The following CREBZF variants were observed in gnomAD, a reference collection of about 807,000 sequenced individuals.
CREBZF encodes HCF-binding transcription factor Zhangfei.
In CREBZF, 8 loss-of-function variants were observed where a neutral mutation model predicts 21.1. That is an observed-to-expected ratio of 0.38 (90% CI 0.22 to 0.68). The LOEUF is 0.68. Among genes scored for constraint, CREBZF ranks in the 30% least tolerant of loss-of-function variants. The pLI, the probability that CREBZF is intolerant of heterozygous loss-of-function variation, is 0.51. For missense variants in CREBZF, 518 were observed against 484.3 expected, an observed-to-expected ratio of 1.07 and a Z score of -0.65; for synonymous variants, 270 against 223.3, an observed-to-expected ratio of 1.21 and a Z score of -1.86.
chr11:85,662,653 C>A lies in CREBZF; in HGVS notation c.*1158G>T. The A allele has an allele frequency of 4.8e-6, 2 of 418,404 alleles. No individual in the cohort carries two copies. The highest frequency in any genetic ancestry group is 8.5e-6 in the Non-Finnish European group (2 of 234,638). The allele number at this position is 418,404 out of a possible 1,614,324, so 25.9% of individuals were successfully genotyped here. On this transcript the variant is annotated 3_prime_UTR_variant, in exon 1 of 1. Coordinates refer to ENST00000527447, the MANE Select transcript of CREBZF (RefSeq NM_001039618.4). The stretch of plus-strand genomic sequence containing the variant: ...ATCGTGTCATTTAAGTGGCCAGAAC[C>A]ACTCAATTTAAAAAATTATTTTAAA...
upstream of CREBZF, among the ~76,000 whole-genome samples, chr11:85,668,640 T>C (rs926219156): frequency 9.9e-5 from 15 of 152,208 alleles, no homozygotes; most frequent in Non-Finnish European, 1.3e-4. Context: ...TTCCTTATCT[T>C]ATTCCTGACT....
intron 1 of CREBZF, among the ~76,000 whole-genome samples, chr11:85,681,881 G>A (rs2082978089): frequency 6.6e-6 from 1 of 152,120 alleles, no homozygotes; most frequent in African/African-American, 2.4e-5. Context: ...TTAAATATGA[G>A]GACTGACAGA....
At chr11:85,682,599 GCCCTACTCC>G in intron 1 of CREBZF, 1 of 321,222 alleles carries the variant, frequency 3.1e-6, no homozygotes, top group Non-Finnish European at 5.3e-6. Context: ...CCTACCCCCT[GCCCTACTCC>G]CCCCAACGCG....
Position 85,663,692 on chromosome 11 carries a change from T to C in CREBZF, c.*119A>G. 1 of 1,609,628 alleles carries C rather than the reference T, an allele frequency of 6.2e-7. No homozygotes were observed. Among genetic ancestry groups the C allele is most frequent in the Non-Finnish European group, 8.5e-7 (1 of 1,177,814 alleles). On this transcript the variant is annotated 3_prime_UTR_variant, in exon 1 of 1. Transcript: ENST00000527447. ...TTTAGCTAAACACTTTAAGATTCAA[T>C]ATTACTTTTTTTCTCTCCTCTGAAA...
At chr11:85,679,039 C>T (rs1236119770) in intron 1 of CREBZF, among the ~76,000 whole-genome samples, 1 of 152,206 alleles carries the variant, frequency 6.6e-6, no homozygotes, top group Non-Finnish European at 1.5e-5. Context: ...TGGGATTAAT[C>T]TGGCCAGAGA....
Position 85,664,646 on chromosome 11 carries a change from G to A in CREBZF, c.230C>T (p.Ala77Val). 2 of 1,607,222 alleles carry A rather than the reference G, an allele frequency of 1.2e-6. No individual in the cohort carries two copies. Among genetic ancestry groups the A allele is most frequent in the Non-Finnish European group, 1.7e-6 (2 of 1,176,684 alleles). ...CTCCTCCATCTCCTCGGGGGAGGGC[G>A]CGCGCACGGCCACGCCGCCGCGGCT... ...RGSRGGVAVR[A>V]PSPEEMEEEA... The change falls in exon 1 of 1, where the codon GCG becomes GTG. Residue 77 changes from alanine to valine, a missense_variant. Coordinates refer to ENST00000527447, the MANE Select transcript of CREBZF (RefSeq NM_001039618.4). The surrounding 1 kb of genome is among the most constrained non-coding windows in gnomAD (Gnocchi z 5.5).
upstream of CREBZF, among the ~76,000 whole-genome samples, chr11:85,669,000 TCAAAAAAAAAAAAAAAA>T (rs2082891404): frequency 8.1e-5 from 1 of 12,370 alleles, no homozygotes; most frequent in African/African-American, 3.0e-4. Context: ...AGACTCCGTC[TCAAAAAAAAAAAAAAAA>T]AAAAAAAAAA....
rs1330254477 is a variant in CREBZF at position 85,663,679 on chromosome 11, C to G, written c.*132G>C. 6.2e-7 allele frequency: 1 copy of G among 1,610,078 alleles called. No homozygotes were observed. The highest frequency in any genetic ancestry group is 1.3e-5 in the African/African-American group (1 of 74,676). On this transcript the variant is annotated 3_prime_UTR_variant, in exon 1 of 1. Transcript: ENST00000527447. ...TCACATTCATGCTTTTAGCTAAACA[C>G]TTTAAGATTCAATATTACTTTTTTT...
Position 85,664,517 on chromosome 11 carries a change from A to T in CREBZF, c.359T>A (p.Leu120Gln), listed in dbSNP as rs1191943055. Residue 120 changes from leucine (L) to glutamine (Q), a missense_variant, in exon 1 of 1, where the codon CTG becomes CAG. This residue lies in a region of CREBZF where 396 missense variants were observed against 324.4 expected (regional missense o/e 1.22). Transcript: ENST00000527447. The surrounding 1 kb of genome is among the most constrained non-coding windows in gnomAD (Gnocchi z 5.5). Reference protein sequence around the residue: ...LLDPRQPDWHLDPGLSSPGPL... With the variant: ...LLDPRQPDWHQDPGLSSPGPL... ...CCCCGGCGAGCTAAGCCCGGGGTCC[A>T]GGTGCCAGTCCGGTTGCCTGGGGTC... 6.2e-7 allele frequency: 1 copy of T among 1,613,558 alleles called. No individual in the cohort carries two copies. The highest frequency in any genetic ancestry group is 1.3e-5 in the African/African-American group (1 of 74,870).
At position 85,665,043 on chromosome 11, in the gene CREBZF, A is replaced by T. The variant is rs2082832656; in HGVS notation, c.-168T>A. 5 of 459,932 alleles carry T rather than the reference A, an allele frequency of 1.1e-5. No individual in the cohort carries two copies. The Admixed American group carries it at 1.2e-4, about 11-fold the overall frequency. The allele number at this position is 459,932 out of a possible 1,614,324, so 28.5% of individuals were successfully genotyped here. ...ACTTGGCTAGTCGACCCCCCGCGCC[A>T]AGGCGCGGGGAGGGACGGGAGAACG... On this transcript the variant is annotated 5_prime_UTR_variant, in exon 1 of 1. Coordinates refer to ENST00000527447, the MANE Select transcript of CREBZF (RefSeq NM_001039618.4).
At position 85,660,634 on chromosome 11, in the gene CREBZF, T is replaced by C. The variant is rs1056481051; in HGVS notation, c.*3177A>G. On this transcript the variant is annotated 3_prime_UTR_variant, in exon 1 of 1. Coordinates refer to ENST00000527447, the MANE Select transcript of CREBZF (RefSeq NM_001039618.4). The stretch of plus-strand genomic sequence containing the variant: ...GAAGAGAGAGAGATTAATTTAGTGA[T>C]TATAAAATGCACAAATATTTAAAAT... The C allele has an allele frequency of 2.2e-6, 1 of 452,186 alleles. No homozygotes were observed. The allele number at this position is 452,186 out of a possible 1,614,324, so 28.0% of individuals were successfully genotyped here.
Position 85,661,938 on chromosome 11 carries a change from A to T in CREBZF, c.*1873T>A, listed in dbSNP as rs1459730129. The T allele has an allele frequency of 6.7e-6, 1 of 150,246 alleles. No individual in the cohort carries two copies. Among genetic ancestry groups the T allele is most frequent in the African/African-American group, 2.4e-5 (1 of 41,006 alleles). 9.3% of individuals were successfully genotyped at this position (150,246 alleles called of 1,614,324 possible). A position where few individuals can be genotyped will look rare whatever the true frequency, so the allele number is the denominator to read the frequency against. On this transcript the variant is annotated 3_prime_UTR_variant, in exon 1 of 1. Coordinates refer to ENST00000527447, the MANE Select transcript of CREBZF (RefSeq NM_001039618.4). ...ATAGCACAAATTAGTCATTTCAAAT[A>T]ATCTTTCCAACTACTTTTGGTTTAT...
chr11:85,676,120 T>C (rs1029816497), intron 1 of CREBZF, among the ~76,000 whole-genome samples: 2 of 152,250 alleles, frequency 1.3e-5, no homozygotes, highest in Admixed American at 6.5e-5. Context: ...GAGAAATTAC[T>C]AGTGTATGTC....
Position 85,658,792 on chromosome 11 carries a change from C to T in CREBZF, c.*5019G>A, listed in dbSNP as rs750588220. ...AGCAAAGACAAAATTTGGAGGCAGA[C>T]GCTAAAGGAAGTTGAGATAAATAAA... On this transcript the variant is annotated 3_prime_UTR_variant, in exon 1 of 1. Transcript: ENST00000527447. 7.2e-5 allele frequency among the ~76,000 whole-genome samples: 11 copies of T among 151,804 alleles called. No individual in the cohort carries two copies. The highest frequency in any genetic ancestry group is 1.2e-4 in the Non-Finnish European group (8 of 67,866).
chr11:85,659,267 A>G lies in CREBZF; in HGVS notation c.*4544T>C, dbSNP rs928896688. On this transcript the variant is annotated 3_prime_UTR_variant, in exon 1 of 1. Coordinates refer to ENST00000527447, the MANE Select transcript of CREBZF (RefSeq NM_001039618.4). ...TTAAAATTTTACTAAATCAGACCTT[A>G]AACTACACATTCAAAATGCTGAACT... is the stretch of plus-strand genomic sequence containing the variant. 1.3e-5 allele frequency among the ~76,000 whole-genome samples: 2 copies of G among 152,100 alleles called. No homozygotes were observed. The highest frequency in any genetic ancestry group is 4.8e-5 in the African/African-American group (2 of 41,452).
chr11:85,663,871 C>G lies in CREBZF; in HGVS notation c.1005G>C (p.Lys335Asn), dbSNP rs962670859. ...GGVCLHVDKD[K>N]VSVEFCSACA... ...ACGCCGAGCAGAACTCCACCGACAC[C>G]TTATCCTTGTCCACATGGAGACAGA... Residue 335 changes from lysine (K) to asparagine (N), a missense_variant, in exon 1 of 1, where the codon AAG (lysine) becomes AAC (asparagine). Transcript: ENST00000527447. 1 of 1,611,544 alleles carries G rather than the reference C, an allele frequency of 6.2e-7. No individual in the cohort carries two copies. Among genetic ancestry groups the G allele is most frequent in the South Asian group, 1.1e-5 (1 of 91,062 alleles).
Position 85,663,503 on chromosome 11 carries a change from C to A in CREBZF, c.*308G>T. 1.1e-6 allele frequency: 1 copy of A among 883,950 alleles called. No homozygotes were observed. The highest frequency in any genetic ancestry group is 1.9e-6 in the Non-Finnish European group (1 of 538,120). 54.8% of individuals were successfully genotyped at this position (883,950 alleles called of 1,614,324 possible). On this transcript the variant is annotated 3_prime_UTR_variant, in exon 1 of 1. Coordinates refer to ENST00000527447, the MANE Select transcript of CREBZF (RefSeq NM_001039618.4). ...ACAAAGCAGCAGAGCATGAGCGTTA[C>A]GGGAAGAGATGGATCCTTACCAGGT...
upstream of CREBZF, among the ~76,000 whole-genome samples, chr11:85,666,316 A>G (rs2082862274): frequency 2.6e-5 from 4 of 152,348 alleles, no homozygotes; most frequent in Middle Eastern, 6.8e-3. Context: ...ATATAGTAAA[A>G]CAAAACATTT....
intron 1 of CREBZF, among the ~76,000 whole-genome samples, chr11:85,670,377 C>T (rs935914698): frequency 6.8e-5 from 9 of 133,128 alleles, no homozygotes; most frequent in Admixed American, 2.6e-4. Context: ...AATCTCTGCT[C>T]ACTGCAAACT....
Sources: allele counts gnomAD v4.1 joint callset (sites outside exome capture counted in the v4.1 genomes callset), GRCh38; gene constraint gnomAD v4.1.1; regional missense constraint gnomAD v4.1.1; non-coding constraint Gnocchi (gnomAD v3.1); transcripts MANE v1.5; gene names NCBI Gene and HGNC (gene_info 2026-07-23, HGNC 2026-07-21).